ZC3H12C: variants seen among roughly 807,000 people sequenced by gnomAD.
The protein encoded by ZC3H12C is zinc finger CCCH-type containing 12C.
A neutral mutation model predicts 76.3 loss-of-function variants in ZC3H12C; 20 were observed. The observed-to-expected ratio is 0.26, with a 90% CI of 0.18 to 0.38. The LOEUF (loss-of-function observed/expected upper bound fraction) is 0.38, where lower values mean the gene tolerates loss of function less well. Among genes scored for constraint, ZC3H12C ranks in the 10% least tolerant of loss-of-function variants. The probability of loss-of-function intolerance (pLI) is 1.00; values close to 1 mark genes in which losing one functional copy is unlikely to be tolerated. For missense variants in ZC3H12C, 874 were observed against 1,086.5 expected (o/e 0.80, Z 2.75); for synonymous variants, 352 against 399.6 (o/e 0.88, Z 1.42).
chr11:110,154,939 C>T (rs1407094189), intron 3 of ZC3H12C, among the ~76,000 whole-genome samples: 13 of 151,408 alleles, frequency 8.6e-5, no homozygotes. Flanking sequence ...AAAGTTCAAC[C>T]CCATTAGTAA....
Position 110,165,804 on chromosome 11 carries a change from A to G in ZC3H12C, c.*67A>G. ...GCTCAAATGCTGAGGGAGGTTTGCT[A>G]CAATAGCACATGTGATCTCCTTCTC... On this transcript the variant is annotated 3_prime_UTR_variant, in exon 6 of 6. Transcript: ENST00000278590. The G allele has an allele frequency of 1.4e-6, 2 of 1,397,246 alleles. No individual in the cohort carries two copies. The highest frequency in any genetic ancestry group is 1.9e-6 in the Non-Finnish European group (2 of 1,037,414). 86.6% of individuals were successfully genotyped at this position (1,397,246 alleles called of 1,614,324 possible). A position where few individuals can be genotyped will look rare whatever the true frequency, so the allele number is the denominator to read the frequency against.
intron 5 of ZC3H12C, 61 bp downstream of exon 5, chr11:110,163,440 T>G (rs1565269841): frequency 1.4e-6 from 2 of 1,389,140 alleles, no homozygotes; most frequent in African/African-American, 2.9e-5. Context: ...ATTAAACTTT[T>G]GTTAACAAAA....
chr11:110,155,672 A>G (rs922327850), intron 3 of ZC3H12C, among the ~76,000 whole-genome samples: 3 of 152,168 alleles, frequency 2.0e-5, no homozygotes, highest in African/African-American at 7.2e-5. Context: ...GGCAGATTTT[A>G]TTTTTGTGTG....
At chr11:110,160,523 T>G (rs1207754483) in intron 4 of ZC3H12C, among the ~76,000 whole-genome samples, 43 of 152,152 alleles carry the variant, frequency 2.8e-4, no homozygotes, top group Non-Finnish European at 4.4e-5. Context: ...TTTTTTTCTT[T>G]TTAAAGTGTT....
At chr11:110,101,249 C>T (rs1171300771) in intron 1 of ZC3H12C, among the ~76,000 whole-genome samples, 1 of 152,092 alleles carries the variant, frequency 6.6e-6, no homozygotes, top group African/African-American at 2.4e-5. Context: ...GAGGCTGGTT[C>T]GTGAAGTTTA....
At chr11:110,129,635 A>G (rs1186231963) in intron 1 of ZC3H12C, among the ~76,000 whole-genome samples, 2 of 152,190 alleles carry the variant, frequency 1.3e-5, no homozygotes, top group East Asian at 1.9e-4. Context: ...ATCAGCCTAT[A>G]GCAGAAAATT....
chr11:110,133,234 AT>A (rs1217421373), intron 1 of ZC3H12C, among the ~76,000 whole-genome samples: 1 of 152,192 alleles, frequency 6.6e-6, no homozygotes, highest in East Asian at 1.9e-4. Context: ...TAAAAACCAA[AT>A]CTTTACCATT....
At chr11:110,139,538 T>C (rs1266631506) in intron 2 of ZC3H12C, among the ~76,000 whole-genome samples, 10 of 152,122 alleles carry the variant, frequency 6.6e-5, no homozygotes, top group Non-Finnish European at 2.9e-5. Flanking sequence ...CATAGAGGTA[T>C]GGAATGCTCA....
chr11:110,155,394 T>C (rs554286786), intron 3 of ZC3H12C, among the ~76,000 whole-genome samples: 172 of 152,254 alleles, frequency 1.1e-3, no homozygotes, highest in South Asian at 1.7e-3. Context: ...TTACAACCTG[T>C]CAAGAAAGTA....
rs35959407 is a variant in ZC3H12C at position 110,164,098 on chromosome 11, CAAA to C, written c.1256-230_1256-228del. The stretch of plus-strand genomic sequence containing the variant: ...TGGGTGACAGAGCAAGACCCTGTCT[CAAA>C]AAAAAAAAAAAAGTTCTGGAGGTGA... On this transcript the variant is annotated intron_variant, in intron 5 of 5. Coordinates refer to ENST00000278590, the MANE Select transcript of ZC3H12C (RefSeq NM_033390.2). The surrounding 1 kb of genome is among the most constrained non-coding windows in gnomAD (Gnocchi z 5.7). Among the ~76,000 whole-genome samples, 18 of 142,860 alleles carry C rather than the reference CAAA, an allele frequency of 1.3e-4. No homozygotes were observed. Among genetic ancestry groups the C allele is most frequent in the Non-Finnish European group, 1.7e-4 (11 of 65,476 alleles). The allele number at this position is 142,860 out of a possible 152,430, so 93.7% of individuals were successfully genotyped here. A position where few individuals can be genotyped will look rare whatever the true frequency, so the allele number is the denominator to read the frequency against.
At chr11:110,154,400 T>G (rs1862335865) in intron 3 of ZC3H12C, among the ~76,000 whole-genome samples, 1 of 151,922 alleles carries the variant, frequency 6.6e-6, no homozygotes, top group African/African-American at 2.4e-5. Flanking sequence ...TTTTTATGTA[T>G]AATTATTACA....
chr11:110,112,990 C>T (rs1160015346), intron 1 of ZC3H12C, among the ~76,000 whole-genome samples: 1 of 76,288 alleles, frequency 1.3e-5, no homozygotes, highest in East Asian at 1.2e-3. Context: ...AAGTTCTTAT[C>T]GCCCCCCCCT....
At chr11:110,106,173 C>A (rs1861321908) in intron 1 of ZC3H12C, among the ~76,000 whole-genome samples, 1 of 69,128 alleles carries the variant, frequency 1.4e-5, no homozygotes, top group South Asian at 3.8e-4. Context: ...GAGGCTGAGG[C>A]AGGAGAATGG....
At chr11:110,151,008 T>C (rs1182231484) in intron 2 of ZC3H12C, among the ~76,000 whole-genome samples, 1 of 152,182 alleles carries the variant, frequency 6.6e-6, no homozygotes, top group Non-Finnish European at 1.5e-5. Context: ...TGGAGGATTA[T>C]ATTTTTTTCA....
intron 1 of ZC3H12C, among the ~76,000 whole-genome samples, chr11:110,134,504 T>A (rs200372593): frequency 2.6e-5 from 1 of 38,884 alleles, no homozygotes; most frequent in East Asian, 2.4e-3. Context: ...GCTGCTGTGA[T>A]TTTGTTACTT....
rs922377849 is a variant in ZC3H12C at position 110,165,399 on chromosome 11, G to C, written c.2314G>C (p.Glu772Gln). ...SRQRKPYSRQ[E>Q]GLGSWERPGY... Reference sequence around the variant, plus strand: ...ACAAAGAAAGCCTTATTCCCGCCAGGAAGGCCTGGGAAGCTGGGAGAGGCC... The same window carrying C: ...ACAAAGAAAGCCTTATTCCCGCCAGCAAGGCCTGGGAAGCTGGGAGAGGCC... Residue 772 changes from glutamate to glutamine, a missense_variant, in exon 6 of 6, where the codon GAA (glutamate) becomes CAA (glutamine). By Grantham distance (29) the Glu-to-Gln change is conservative. Transcript: ENST00000278590. 14 of 1,613,990 alleles carry C rather than the reference G, an allele frequency of 8.7e-6. No individual in the cohort carries two copies. In the Middle Eastern group the frequency reaches 6.6e-4, roughly 76 times the overall value.
chr11:110,159,588 C>A, intron 4 of ZC3H12C, 98 bp downstream of exon 4: 1 of 1,034,060 alleles, frequency 9.7e-7, no homozygotes, highest in Non-Finnish European at 1.4e-6. Context: ...ACTGTCCAGA[C>A]TTCACACAGG....
chr11:110,116,220 T>A (rs1260898861), intron 1 of ZC3H12C, among the ~76,000 whole-genome samples: 7 of 152,220 alleles, frequency 4.6e-5, no homozygotes, highest in Non-Finnish European at 8.8e-5. Flanking sequence ...TTCTTACACT[T>A]ATGTTCCTTA....
chr11:110,158,851 A>G (rs1565268106), intron 3 of ZC3H12C, among the ~76,000 whole-genome samples: 1 of 152,220 alleles, frequency 6.6e-6, no homozygotes. Context: ...AAAAGGAAAA[A>G]AATGTATTGC....
Sources: gnomAD v4.1 joint callset for allele counts (sites outside exome capture counted in the v4.1 genomes callset) on GRCh38, gnomAD v4.1.1 for gene constraint, Gnocchi (gnomAD v3.1) non-coding constraint, MANE v1.5 for transcripts, NCBI Gene and HGNC (gene_info 2026-07-23, HGNC 2026-07-21) for gene names.